OTOP1: variants seen among roughly 807,000 people sequenced by gnomAD.
OTOP1 encodes proton channel OTOP1.
OTOP1 carries 59 observed loss-of-function variants against 52.9 expected under a neutral mutation model. The ratio of observed to expected loss-of-function variants is 1.12; its 90% CI spans 0.91 to 1.39. The LOEUF (loss-of-function observed/expected upper bound fraction) is 1.39, where lower values mean the gene tolerates loss of function less well. Ranked by LOEUF, OTOP1 falls within the 40% of genes most tolerant of loss-of-function variation. The pLI, the probability that OTOP1 is intolerant of heterozygous loss-of-function variation, is 0.00. For missense variants in OTOP1, 761 were observed against 800.9 expected (o/e 0.95, Z 0.60); for synonymous variants, 317 against 337.7 (o/e 0.94, Z 0.67).
chr4:4,196,399 T>G (rs561059529), intron 5 of OTOP1, among the ~76,000 whole-genome samples: 3 of 151,896 alleles, frequency 2.0e-5, no homozygotes, highest in African/African-American at 7.2e-5. Flanking sequence ...CTAAAAATAT[T>G]TTCAAAAATT....
intron 1 of OTOP1, among the ~76,000 whole-genome samples, chr4:4,222,217 G>A (rs894366786): frequency 1.3e-5 from 2 of 152,150 alleles, no homozygotes; most frequent in African/African-American, 4.8e-5. Flanking sequence ...CTTGATTAGT[G>A]CTAGAAAGAA....
At chr4:4,195,107 C>T (rs1490727838) in intron 5 of OTOP1, among the ~76,000 whole-genome samples, 1 of 152,148 alleles carries the variant, frequency 6.6e-6, no homozygotes, top group African/African-American at 2.4e-5. Flanking sequence ...AACATAAAGA[C>T]TAGACTCTAG....
At chr4:4,216,400 C>T (rs1014596916) in intron 1 of OTOP1, among the ~76,000 whole-genome samples, 4 of 152,138 alleles carry the variant, frequency 2.6e-5, no homozygotes, top group Non-Finnish European at 4.4e-5. Context: ...TAGCATTGAC[C>T]GCCATTTATA....
At chr4:4,189,833 C>T (rs531657495) in intron 5 of OTOP1, among the ~76,000 whole-genome samples, 2 of 152,320 alleles carry the variant, frequency 1.3e-5, no homozygotes, top group South Asian at 4.1e-4. Context: ...CTGAATCCTG[C>T]CAACAGTCAC....
At chr4:4,191,779 G>C (rs1011537245) in intron 5 of OTOP1, among the ~76,000 whole-genome samples, 3 of 152,184 alleles carry the variant, frequency 2.0e-5, no homozygotes, top group Non-Finnish European at 4.4e-5. Context: ...GGTTTTGCCT[G>C]CTGTTGCCTG....
chr4:4,225,835 G>A (rs868515885), intron 1 of OTOP1, among the ~76,000 whole-genome samples: 2 of 152,114 alleles, frequency 1.3e-5, no homozygotes, highest in Admixed American at 6.5e-5. Flanking sequence ...GAACACTGGA[G>A]CCCAGTGCGG....
At position 4,226,746 on chromosome 4, in the gene OTOP1, T is replaced by G. The variant is rs1292080811; in HGVS notation, c.119A>C (p.Glu40Ala). ...ACCGCCCCGCCGGGGGGCCGGGGAT[T>G]CCGGGGACCTCGGGGCCGAGGACGA... ...PPSSSAPRSP[E>A]SPAPRRGGVR... Residue 40 changes from glutamate (E) to alanine (A), a missense_variant, in exon 1 of 6, where the codon GAA (glutamate) becomes GCA (alanine). Physicochemically the swap from Glu to Ala is moderately radical, Grantham distance 107. This residue lies in a region of OTOP1 where 73 missense variants were observed against 75.7 expected (regional missense o/e 0.96). Coordinates refer to ENST00000296358, the MANE Select transcript of OTOP1 (RefSeq NM_177998.3). 1.4e-6 allele frequency: 2 copies of G among 1,392,536 alleles called. No homozygotes were observed. The highest frequency in any genetic ancestry group is 9.3e-7 in the Non-Finnish European group (1 of 1,072,762). The allele number at this position is 1,392,536 out of a possible 1,614,324, so 86.3% of individuals were successfully genotyped here.
At chr4:4,204,789 TG>T (rs1716863547) in intron 3 of OTOP1, among the ~76,000 whole-genome samples, 1 of 152,098 alleles carries the variant, frequency 6.6e-6, no homozygotes, top group African/African-American at 2.4e-5. Context: ...TTTTTCTTTT[TG>T]AGATGGAATC....
chr4:4,196,176 TG>T (rs1250705065), intron 5 of OTOP1, among the ~76,000 whole-genome samples: 3 of 152,088 alleles, frequency 2.0e-5, no homozygotes, highest in Non-Finnish European at 4.4e-5. Context: ...CCCAGCACTT[TG>T]GGAGGCTGAG....
chr4:4,203,845 G>A (rs1351783762), intron 3 of OTOP1, among the ~76,000 whole-genome samples: 1 of 152,234 alleles, frequency 6.6e-6, no homozygotes, highest in Non-Finnish European at 1.5e-5. Flanking sequence ...TGGCAGCTCA[G>A]GCTTTGGGTG....
chr4:4,201,995 T>TAAAGCC (rs1716799686), intron 4 of OTOP1, among the ~76,000 whole-genome samples: 1 of 152,080 alleles, frequency 6.6e-6, no homozygotes, highest in Non-Finnish European at 1.5e-5. Context: ...ACAGTTAAAT[T>TAAAGCC]AAAACTTTAA....
chr4:4,197,821 C>G lies in OTOP1; in HGVS notation c.1013G>C (p.Arg338Pro), dbSNP rs201893878. ...VVVVYLIHIGRSKTKSESALI... is the reference protein window; with the variant it reads ...VVVVYLIHIGPSKTKSESALI... ...TGCCGACTCGCTCTTGGTCTTGGAG[C>G]GCCCAATATGAATCAGGTATACCAC... The change falls in exon 5 of 6, where the codon CGC (arginine) becomes CCC (proline). Residue 338 changes from arginine to proline, a missense_variant. This residue lies in a region of OTOP1 where 632 missense variants were observed against 619.5 expected (regional missense o/e 1.02). Coordinates refer to ENST00000296358, the MANE Select transcript of OTOP1 (RefSeq NM_177998.3). 2.0e-5 allele frequency: 33 copies of G among 1,613,882 alleles called. No individual in the cohort carries two copies. The Middle Eastern group carries it at 2.5e-3, about 121-fold the overall frequency.
chr4:4,219,528 C>T (rs1362203040), intron 1 of OTOP1, among the ~76,000 whole-genome samples: 7 of 151,660 alleles, frequency 4.6e-5, no homozygotes, highest in Admixed American at 6.6e-5. Flanking sequence ...GGTGAAACCC[C>T]GTCTCTACTA....
At chr4:4,219,926 C>T (rs1334954805) in intron 1 of OTOP1, among the ~76,000 whole-genome samples, 3 of 138,832 alleles carry the variant, frequency 2.2e-5, no homozygotes, top group African/African-American at 5.7e-5. Flanking sequence ...TATACGTATA[C>T]ATGTATACAT....
chr4:4,207,829 C>A (rs1440948993), intron 2 of OTOP1, among the ~76,000 whole-genome samples: 1 of 152,112 alleles, frequency 6.6e-6, no homozygotes, highest in Non-Finnish European at 1.5e-5. Flanking sequence ...ATCTGGGAGA[C>A]AGGTCTGTGC....
chr4:4,219,861 A>G (rs1039268340), intron 1 of OTOP1, among the ~76,000 whole-genome samples: 1 of 147,254 alleles, frequency 6.8e-6, no homozygotes, highest in African/African-American at 2.5e-5. Flanking sequence ...ATACATGTAT[A>G]TATGTATACA....
chr4:4,205,413 C>T (rs1180255868), intron 3 of OTOP1, among the ~76,000 whole-genome samples: 3 of 152,194 alleles, frequency 2.0e-5, no homozygotes, highest in Non-Finnish European at 2.9e-5. Flanking sequence ...AACAAAAGAT[C>T]TTGCTACCTC....
intron 1 of OTOP1, among the ~76,000 whole-genome samples, chr4:4,226,026 T>C (rs995186662): frequency 7.2e-5 from 11 of 152,246 alleles, no homozygotes; most frequent in Non-Finnish European, 1.2e-4. Context: ...GCAGAGGTCC[T>C]GCGATGGGCG....
At chr4:4,213,394 C>A (rs775264179) in intron 1 of OTOP1, among the ~76,000 whole-genome samples, 2 of 152,134 alleles carry the variant, frequency 1.3e-5, no homozygotes, top group Non-Finnish European at 2.9e-5. Context: ...ATAAGATGAA[C>A]TACATGAAAA....
Sources: gnomAD v4.1 joint callset for allele counts (sites outside exome capture counted in the v4.1 genomes callset) on GRCh38, gnomAD v4.1.1 for gene constraint, gnomAD v4.1.1 regional missense constraint, MANE v1.5 for transcripts, NCBI Gene and HGNC (gene_info 2026-07-23, HGNC 2026-07-21) for gene names.